Variants in PCDHA13 observed in about 807,000 individuals in gnomAD.
PCDHA13 encodes protocadherin alpha 13, also known as protocadherin alpha-13.
PCDHA13 carries 54 observed loss-of-function variants against 64.8 expected under a neutral mutation model. The ratio of observed to expected loss-of-function variants is 0.83; its 90% CI spans 0.67 to 1.04. The LOEUF is 1.04. PCDHA13 is among the 50% of genes least tolerant of loss of function. The probability of loss-of-function intolerance (pLI) is 0.00; values close to 1 mark genes in which losing one functional copy is unlikely to be tolerated. For synonymous variants in PCDHA13, 587 were observed against 564.4 expected, an observed-to-expected ratio of 1.04 and a Z score of -0.57; for missense variants, 1,248 against 1,254.3, an observed-to-expected ratio of 0.99 and a Z score of 0.08.
Position 140,884,456 on chromosome 5 carries a change from G to T in PCDHA13, c.2188G>T (p.Gly730Cys). 2 of 1,613,768 alleles carry T rather than the reference G, an allele frequency of 1.2e-6. No individual in the cohort carries two copies. Among genetic ancestry groups the T allele is most frequent in the Non-Finnish European group, 1.7e-6 (2 of 1,179,810 alleles). The change falls in exon 1 of 4, where the codon GGC becomes TGC. Residue 730 changes from glycine to cysteine, a missense_variant. Gly to Cys is a radical substitution (Grantham distance 159). Transcript: ENST00000289272. ...ALRCSAPPTE[G>C]ACAPGKPTLV... ...GCGGTGCTCGGCACCGCCCACCGAG[G>T]GCGCGTGCGCGCCGGGCAAGCCCAC...
At chr5:140,971,096 A>G (rs1240805149) in intron 1 of PCDHA13, among the ~76,000 whole-genome samples, 1 of 152,180 alleles carries the variant, frequency 6.6e-6, no homozygotes, top group African/African-American at 2.4e-5. Context: ...ATTCTTGTGA[A>G]GCCCTTTGGG....
chr5:140,941,191 T>TTTCTTTCTTTCTTTCTTTC (rs1487503403), intron 1 of PCDHA13, among the ~76,000 whole-genome samples: 6 of 93,258 alleles, frequency 6.4e-5, no homozygotes, highest in Middle Eastern at 5.1e-3. Flanking sequence ...GCTTCTTTTT[T>TTTCTTTCTTTCTTTCTTTC]TTTCTTTCTT....
chr5:140,895,070 C>G (rs2064827781), intron 1 of PCDHA13, among the ~76,000 whole-genome samples: 1 of 152,106 alleles, frequency 6.6e-6, no homozygotes, highest in African/African-American at 2.4e-5. Context: ...GACTCAATTC[C>G]TATCAGTTCC....
In PCDHA13 at chr5:141,010,450, G is replaced by T; in HGVS notation, c.*513G>T. 7.6e-6 allele frequency: 7 copies of T among 920,886 alleles called. No homozygotes were observed. The South Asian group carries it at 1.3e-4, about 17-fold the overall frequency. The allele number at this position is 920,886 out of a possible 1,614,324, so 57.0% of individuals were successfully genotyped here. A position where few individuals can be genotyped will look rare whatever the true frequency, so the allele number is the denominator to read the frequency against. ...AAGAAAACAAAGACAAATAAACAGC[G>T]GAAGTTATCAGTATGGAGGGGAAGT... is the stretch of plus-strand genomic sequence containing the variant. On this transcript the variant is annotated 3_prime_UTR_variant, in exon 4 of 4. Transcript: ENST00000289272.
intron 1 of PCDHA13, chr5:140,969,110 C>G (rs1380719565): frequency 2.5e-6 from 4 of 1,614,064 alleles, no homozygotes; most frequent in South Asian, 2.2e-5. Context: ...CATTGAAGTT[C>G]GAGGGAATGG....
chr5:140,964,631 T>C (rs1415762552), intron 1 of PCDHA13, among the ~76,000 whole-genome samples: 1 of 152,074 alleles, frequency 6.6e-6, no homozygotes, highest in African/African-American at 2.4e-5. Flanking sequence ...ATAAGCCATT[T>C]ATTTTCAGAA....
At chr5:140,949,371 C>G (rs932971788) in intron 1 of PCDHA13, among the ~76,000 whole-genome samples, 1 of 151,712 alleles carries the variant, frequency 6.6e-6, no homozygotes, top group African/African-American at 2.4e-5. Flanking sequence ...GTCTAGTTGT[C>G]CTATCAATTG....
chr5:140,953,467 C>T (rs952334269), intron 1 of PCDHA13, among the ~76,000 whole-genome samples: 1 of 152,090 alleles, frequency 6.6e-6, no homozygotes, highest in African/African-American at 2.4e-5. Context: ...AGAGTTTTAA[C>T]TTCCTCATGC....
At chr5:140,965,314 T>C (rs563123453) in intron 1 of PCDHA13, among the ~76,000 whole-genome samples, 1 of 152,254 alleles carries the variant, frequency 6.6e-6, no homozygotes, top group East Asian at 1.9e-4. Flanking sequence ...TACCTTCTCT[T>C]TTACTGAAGT....
At chr5:140,968,818 T>C in intron 1 of PCDHA13, 1 of 1,614,188 alleles carries the variant, frequency 6.2e-7, no homozygotes, top group South Asian at 1.1e-5. Flanking sequence ...TGGATAGGGT[T>C]TCCAAAATCC....
chr5:141,000,173 C>T (rs2097895007), intron 3 of PCDHA13, among the ~76,000 whole-genome samples: 1 of 151,968 alleles, frequency 6.6e-6, no homozygotes, highest in Non-Finnish European at 1.5e-5. Flanking sequence ...ATTATTGAGC[C>T]AAGGAGTCAA....
At chr5:140,886,339 C>T (rs181002773) in intron 1 of PCDHA13, among the ~76,000 whole-genome samples, 87 of 151,982 alleles carry the variant, frequency 5.7e-4, no homozygotes, top group Non-Finnish European at 1.2e-3. Flanking sequence ...ATGTGCAGAA[C>T]GTGCAGGTTT....
At chr5:140,956,147 C>T (rs150480657) in intron 1 of PCDHA13, among the ~76,000 whole-genome samples, 5,358 of 152,186 alleles carry the variant, frequency 0.035, 121 homozygotes, top group Non-Finnish European at 0.052. Context: ...ATTTCTTTCT[C>T]TTTCCTAATT....
At position 140,883,466 on chromosome 5, in the gene PCDHA13, A is replaced by G. The variant is rs782104317; in HGVS notation, c.1198A>G (p.Thr400Ala). 43 of 1,614,010 alleles carry G rather than the reference A, an allele frequency of 2.7e-5. No homozygotes were observed. Among genetic ancestry groups the G allele is most frequent in the Non-Finnish European group, 3.5e-5 (41 of 1,180,034 alleles). The change falls in exon 1 of 4, where the codon ACC (threonine) becomes GCC (alanine). Residue 400 changes from threonine to alanine, a missense_variant. Transcript: ENST00000289272. ...GCATGTCCCCTTCAAGCTGGTGTCC[A>G]CCTACAAGAACTACTACTCATTAGT... ...TPHVPFKLVS[T>A]YKNYYSLVLD...
intron 1 of PCDHA13, among the ~76,000 whole-genome samples, chr5:140,960,713 A>C (rs1272219565): frequency 6.6e-6 from 1 of 150,862 alleles, no homozygotes; most frequent in Non-Finnish European, 1.5e-5. Context: ...CCAAATACTC[A>C]TCTTATTTTA....
chr5:140,945,322 T>C (rs1311724084), intron 1 of PCDHA13, among the ~76,000 whole-genome samples: 9 of 152,096 alleles, frequency 5.9e-5, no homozygotes, highest in Admixed American at 5.2e-4. Context: ...AATGGAAATA[T>C]ATTTTATGTT....
At chr5:140,968,288 C>A in intron 1 of PCDHA13, 1 of 1,613,976 alleles carries the variant, frequency 6.2e-7, no homozygotes, top group Non-Finnish European at 8.5e-7. Context: ...GACCTACTCC[C>A]TTCTGGAGAG....
In PCDHA13 at chr5:140,882,475, AAGAC is replaced by A. The variant is rs2059154037; in HGVS notation, c.209_212del (p.Arg70ThrfsTer7). ...CGCGCCTGTTCCGGGTGGCGTCCAAAAGACACGGGGACCTTCTGGAGGTAAATCT... is the reference window on the plus strand; with the variant it reads ...CGCGCCTGTTCCGGGTGGCGTCCAAAACGGGGACCTTCTGGAGGTAAATCT... On this transcript the variant is annotated frameshift_variant, in exon 1 of 4. Coordinates refer to ENST00000289272, the MANE Select transcript of PCDHA13 (RefSeq NM_018904.3). LOFTEE classifies it high-confidence loss of function. The A allele has an allele frequency of 6.2e-7, 1 of 1,613,902 alleles. No individual in the cohort carries two copies. Among genetic ancestry groups the A allele is most frequent in the Non-Finnish European group, 8.5e-7 (1 of 1,180,050 alleles).
chr5:140,906,744 A>G (rs2072897297), intron 1 of PCDHA13, among the ~76,000 whole-genome samples: 1 of 152,210 alleles, frequency 6.6e-6, no homozygotes, highest in Admixed American at 6.5e-5. Context: ...CCATTGACAC[A>G]GGGCATGGTA....
Sources: gnomAD v4.1 joint callset for allele counts (sites outside exome capture counted in the v4.1 genomes callset) on GRCh38, gnomAD v4.1.1 for gene constraint, MANE v1.5 for transcripts, NCBI Gene and HGNC (gene_info 2026-07-23, HGNC 2026-07-21) for gene names.